PCDHA7: variants seen among roughly 807,000 people sequenced by gnomAD.
PCDHA7 encodes the protein protocadherin alpha 7, also known as protocadherin alpha-7.
A neutral mutation model predicts 57.2 loss-of-function variants in PCDHA7; 37 were observed. The ratio of observed to expected loss-of-function variants is 0.65; its 90% CI spans 0.50 to 0.85. The LOEUF is 0.85. Ranked by LOEUF, PCDHA7 falls within the 40% of genes least tolerant of loss-of-function variation. The probability of loss-of-function intolerance (pLI) is 0.00; values close to 1 mark genes in which losing one functional copy is unlikely to be tolerated. For missense variants in PCDHA7, 1,188 were observed against 1,241.8 expected (o/e 0.96, Z 0.65); for synonymous variants, 553 against 558.8 (o/e 0.99, Z 0.15).
chr5:140,906,644 T>C (rs1167181721), intron 1 of PCDHA7, among the ~76,000 whole-genome samples: 3 of 152,232 alleles, frequency 2.0e-5, no homozygotes, highest in Admixed American at 6.5e-5. Flanking sequence ...CAGCAGGTAG[T>C]GGTTTTTTCC....
intron 1 of PCDHA7, chr5:140,860,038 C>T (rs1333374793): frequency 6.6e-6 from 1 of 151,844 alleles, no homozygotes; most frequent in African/African-American, 2.4e-5. Context: ...CCTGTAATCC[C>T]AGCATTTTGA....
chr5:140,876,206 C>T, intron 1 of PCDHA7: 1 of 1,613,864 alleles, frequency 6.2e-7, no homozygotes, highest in South Asian at 1.1e-5. Context: ...TTTGATAAGC[C>T]CAGCTATAAA....
chr5:140,841,368 T>C (rs2150314322), intron 1 of PCDHA7: 15 of 1,613,308 alleles, frequency 9.3e-6, no homozygotes, highest in Non-Finnish European at 1.3e-5. Flanking sequence ...CGACTACTAC[T>C]CTTGCTTCTG....
At chr5:140,887,029 T>C (rs1308343052) in intron 1 of PCDHA7, among the ~76,000 whole-genome samples, 1 of 152,140 alleles carries the variant, frequency 6.6e-6, no homozygotes, top group Non-Finnish European at 1.5e-5. Flanking sequence ...AAAAATTTCT[T>C]TAATATTTTT....
At position 140,982,581 on chromosome 5, in the gene PCDHA7, C is replaced by CT. The variant is rs782248594; in HGVS notation, c.2503+19dup. 2.4e-5 allele frequency: 38 copies of CT among 1,612,216 alleles called. No homozygotes were observed. The Middle Eastern group carries it at 5.0e-4, about 21-fold the overall frequency. ...AACACCAGGTAAAGAGCTGGGGTCT[C>CT]TCCATTCTTTCTTGGTTTCTGGAAA... On this transcript the variant is annotated intron_variant, in intron 3 of 3. Transcript: ENST00000525929.
At chr5:140,883,888 T>C (rs781919107) in intron 1 of PCDHA7, 12 of 1,612,946 alleles carry the variant, frequency 7.4e-6, no homozygotes, top group African/African-American at 5.4e-5. Flanking sequence ...CGCGCGACTC[T>C]GGCGTGCCGC....
rs2150409017 is a variant in PCDHA7, at chr5:140,848,335, G to A, written c.2355+11597G>A. ...TGCCGCGATGTTCTCTCTGAATCCA[G>A]ACAAATACAGCCCTTTTCCCATGGG... On this transcript the variant is annotated intron_variant, in intron 1 of 3. Transcript: ENST00000525929. The A allele has an allele frequency of 1.4e-5, 12 of 865,274 alleles. 2 individuals carry two copies. The highest frequency in any genetic ancestry group is 2.2e-5 in the Non-Finnish European group (12 of 551,794). 53.6% of individuals were successfully genotyped at this position (865,274 alleles called of 1,614,324 possible). A position where few individuals can be genotyped will look rare whatever the true frequency, so the allele number is the denominator to read the frequency against.
At chr5:141,004,362 C>T (rs1357216048) in intron 3 of PCDHA7, among the ~76,000 whole-genome samples, 1 of 152,186 alleles carries the variant, frequency 6.6e-6, no homozygotes, top group Non-Finnish European at 1.5e-5. Flanking sequence ...AGAGACCACA[C>T]CTTGTTCTGC....
At chr5:140,962,295 A>G (rs1215334325) in intron 1 of PCDHA7, among the ~76,000 whole-genome samples, 2 of 152,196 alleles carry the variant, frequency 1.3e-5, no homozygotes, top group African/African-American at 4.8e-5. Flanking sequence ...TTAATATTCT[A>G]TGATTCTTGT....
At position 140,944,959 on chromosome 5, in the gene PCDHA7, A is replaced by C. The variant is rs183198577; in HGVS notation, c.2356-33990A>C. Among the ~76,000 whole-genome samples, 72 of 152,254 alleles carry C rather than the reference A, an allele frequency of 4.7e-4. No individual in the cohort carries two copies. The East Asian group carries it at 0.012, about 25-fold the overall frequency. ...TTAGATGATTGTGAATAAGAGTATT[A>C]TCTTAACCTCTCTGGTGGGTCTACT... On this transcript the variant is annotated intron_variant, in intron 1 of 3. Coordinates refer to ENST00000525929, the MANE Select transcript of PCDHA7 (RefSeq NM_018910.3).
At chr5:140,877,374 A>C in intron 1 of PCDHA7, 1 of 1,613,970 alleles carries the variant, frequency 6.2e-7, no homozygotes, top group Non-Finnish European at 8.5e-7. Context: ...TCAGCACGAC[A>C]CGCATCCTGG....
intron 1 of PCDHA7, chr5:140,864,603 C>A (rs1230930036): frequency 3.3e-5 from 5 of 152,210 alleles, no homozygotes; most frequent in Non-Finnish European, 7.3e-5. Flanking sequence ...AGATAGCCAA[C>A]AACTTTGTTC....
At chr5:140,869,471 T>A in intron 1 of PCDHA7, 1 of 1,613,696 alleles carries the variant, frequency 6.2e-7, no homozygotes, top group East Asian at 2.2e-5. Context: ...AACGTGGAGG[T>A]GAAGGACATT....
chr5:140,907,790 A>G (rs2073612747), intron 1 of PCDHA7, among the ~76,000 whole-genome samples: 1 of 152,178 alleles, frequency 6.6e-6, no homozygotes, highest in African/African-American at 2.4e-5. Context: ...CTGGGGAAAG[A>G]GGCTAAGTGG....
At chr5:140,920,859 C>T in intron 1 of PCDHA7, among the ~76,000 whole-genome samples, 1 of 142,452 alleles carries the variant, frequency 7.0e-6, no homozygotes, top group African/African-American at 2.6e-5. Flanking sequence ...AAAAAAAAAA[C>T]AAACAAACTG....
chr5:140,948,349 T>C (rs1262551459), intron 1 of PCDHA7, among the ~76,000 whole-genome samples: 2 of 151,624 alleles, frequency 1.3e-5, no homozygotes, highest in African/African-American at 4.8e-5. Context: ...ATTTCTAACC[T>C]AATAAAATGA....
chr5:140,977,541 G>A (rs1164108305), intron 1 of PCDHA7, among the ~76,000 whole-genome samples: 2 of 152,188 alleles, frequency 1.3e-5, no homozygotes, highest in Non-Finnish European at 2.9e-5. Context: ...GAAGCAGCTT[G>A]CATATGCATA....
chr5:140,841,274 C>G, intron 1 of PCDHA7: 28 of 1,518,248 alleles, frequency 1.8e-5, no homozygotes, highest in Non-Finnish European at 1.7e-5. Flanking sequence ...TACAGTCGTT[C>G]ATCTTTATAT....
At chr5:140,913,003 T>C (rs1049022016) in intron 1 of PCDHA7, among the ~76,000 whole-genome samples, 29 of 152,204 alleles carry the variant, frequency 1.9e-4, no homozygotes, top group African/African-American at 7.0e-4. Flanking sequence ...TAGTATTTTG[T>C]TGAGGATTTT....
Sources: allele counts gnomAD v4.1 joint callset (sites outside exome capture counted in the v4.1 genomes callset), GRCh38; gene constraint gnomAD v4.1.1; transcripts MANE v1.5; gene names NCBI Gene and HGNC (gene_info 2026-07-23, HGNC 2026-07-21).